Variants in WDR72 observed in about 807,000 individuals in gnomAD.
WDR72 encodes WD repeat-containing protein 72.
In WDR72, 120 loss-of-function variants were observed where a neutral mutation model predicts 124.2. The ratio of observed to expected loss-of-function variants is 0.97; its 90% CI spans 0.83 to 1.12. The LOEUF (loss-of-function observed/expected upper bound fraction) is 1.12. Ranked by LOEUF, WDR72 falls within the 50% of genes most tolerant of loss-of-function variation. The probability of loss-of-function intolerance (pLI) is 0.00; values close to 1 mark genes in which losing one functional copy is unlikely to be tolerated. For synonymous variants in WDR72, 452 were observed against 441.7 expected, an observed-to-expected ratio of 1.02 and a Z score of -0.29; for missense variants, 1,387 against 1,278.8, an observed-to-expected ratio of 1.08 and a Z score of -1.29.
At chr15:53,596,934 T>A (rs2012805186) in intron 18 of WDR72, 145 bp downstream of exon 18, 3 of 792,640 alleles carry the variant, frequency 3.8e-6, no homozygotes, top group African/African-American at 1.7e-5. Flanking sequence ...TATAACCCCA[T>A]CATAAGTCAA....
Position 53,650,652 on chromosome 15 carries a change from T to A in WDR72, c.1962+14920A>T, listed in dbSNP as rs115743832. 9.5e-3 allele frequency among the ~76,000 whole-genome samples: 1,445 copies of A among 152,232 alleles called. 33 individuals are homozygous for A. The highest frequency in any genetic ancestry group is 0.034 in the African/African-American group (1,392 of 41,552). On this transcript the variant is annotated intron_variant, in intron 14 of 19. Coordinates refer to ENST00000360509, the MANE Select transcript of WDR72 (RefSeq NM_182758.4). ...ATCTTATTCATCCATCAAGATTTAG[T>A]CCTAATATGACTTCCTGCATACCAC... is the stretch of plus-strand genomic sequence containing the variant.
intron 1 of WDR72, among the ~76,000 whole-genome samples, chr15:53,735,541 T>A (rs2018328763): frequency 6.6e-6 from 1 of 152,242 alleles, no homozygotes; most frequent in Non-Finnish European, 1.5e-5. Context: ...ATCAAATTTA[T>A]ACTTTAAATG....
intron 1 of WDR72, among the ~76,000 whole-genome samples, chr15:53,738,103 A>G (rs1345665760): frequency 1.3e-5 from 2 of 152,230 alleles, no homozygotes; most frequent in Non-Finnish European, 2.9e-5. Context: ...CCAAGAAAAC[A>G]TAATATAAAT....
At chr15:53,656,029 T>C (rs2015409630) in intron 14 of WDR72, among the ~76,000 whole-genome samples, 1 of 152,182 alleles carries the variant, frequency 6.6e-6, no homozygotes, top group Admixed American at 6.5e-5. Context: ...AGTCATCAGG[T>C]TTTGGGCAAT....
intron 14 of WDR72, 129 bp downstream of exon 14, chr15:53,665,443 T>C: frequency 1.0e-6 from 1 of 988,970 alleles, no homozygotes; most frequent in Non-Finnish European, 1.6e-6. Context: ...CAAGATTACT[T>C]GGTAGATGCA....
At position 53,730,902 on chromosome 15, in the gene WDR72, T is replaced by A. The variant is rs368517584; in HGVS notation, c.153+2095A>T. Among the ~76,000 whole-genome samples, 42 of 152,272 alleles carry A rather than the reference T, an allele frequency of 2.8e-4. No homozygotes were observed. In the East Asian group the frequency reaches 5.6e-3, roughly 20 times the overall value. ...GAACTGAAAAGTGCCCTTGATTTTT[T>A]TCAGTCTGGAGTTTTCCCTGCTAAT... On this transcript the variant is annotated intron_variant, in intron 2 of 19. Coordinates refer to ENST00000360509, the MANE Select transcript of WDR72 (RefSeq NM_182758.4).
intron 13 of WDR72, among the ~76,000 whole-genome samples, chr15:53,670,314 C>T (rs765410827): frequency 1.2e-4 from 18 of 152,156 alleles, no homozygotes; most frequent in Non-Finnish European, 2.2e-4. Flanking sequence ...TCCAAAGTTG[C>T]GTAGTTTCCA....
chr15:53,545,316 T>C (rs1893389874), intron 18 of WDR72, among the ~76,000 whole-genome samples: 1 of 151,136 alleles, frequency 6.6e-6, no homozygotes, highest in East Asian at 1.9e-4. Flanking sequence ...GAAACAGAGA[T>C]ATAGATCAAT....
At chr15:53,745,233 T>C (rs2018615552) in intron 1 of WDR72, among the ~76,000 whole-genome samples, 1 of 152,172 alleles carries the variant, frequency 6.6e-6, no homozygotes, top group Non-Finnish European at 1.5e-5. Context: ...TTATTCCTTG[T>C]TCATAATCAG....
intron 1 of WDR72, among the ~76,000 whole-genome samples, chr15:53,753,085 G>A (rs1354691658): frequency 1.3e-5 from 2 of 152,098 alleles, no homozygotes; most frequent in South Asian, 2.1e-4. Context: ...GGCTGTCAAC[G>A]GGTCATCCCT....
At chr15:53,729,611 T>C (rs1299915329) in intron 2 of WDR72, among the ~76,000 whole-genome samples, 9 of 152,140 alleles carry the variant, frequency 5.9e-5, no homozygotes, top group Non-Finnish European at 1.3e-4. Flanking sequence ...TCTACTCAAC[T>C]ACTTTTACCA....
chr15:53,677,314 T>C (rs865979610), intron 13 of WDR72, among the ~76,000 whole-genome samples: 12 of 152,338 alleles, frequency 7.9e-5, no homozygotes, highest in Middle Eastern at 3.4e-3. Context: ...TACTTTTTTA[T>C]AACTCCTTCC....
At chr15:53,713,418 A>ATTTTATTTTATTTTGTTTTG (rs1555427180) in intron 6 of WDR72, among the ~76,000 whole-genome samples, 47 of 118,376 alleles carry the variant, frequency 4.0e-4, no homozygotes, top group Middle Eastern at 3.8e-3. Context: ...GTTGTATTTT[A>ATTTTATTTTATTTTGTTTTG]TTTTATTTTA....
At chr15:53,596,554 C>A (rs1290102119) in intron 18 of WDR72, among the ~76,000 whole-genome samples, 1 of 152,096 alleles carries the variant, frequency 6.6e-6, no homozygotes, top group Non-Finnish European at 1.5e-5. Context: ...AAAGTAAAAG[C>A]AAATTTACCC....
At chr15:53,747,145 A>G (rs1441275623) in intron 1 of WDR72, among the ~76,000 whole-genome samples, 2 of 152,198 alleles carry the variant, frequency 1.3e-5, no homozygotes, top group African/African-American at 2.4e-5. Context: ...CCAAGCTGGC[A>G]TGGGTCAGCA....
chr15:53,631,716 T>A (rs1183091781), intron 14 of WDR72, among the ~76,000 whole-genome samples: 1 of 152,194 alleles, frequency 6.6e-6, no homozygotes, highest in Non-Finnish European at 1.5e-5. Context: ...GTCACTTTGT[T>A]ATGCTTTAGC....
chr15:53,636,111 T>G (rs1277028516), intron 14 of WDR72, among the ~76,000 whole-genome samples: 1 of 152,218 alleles, frequency 6.6e-6, no homozygotes, highest in Non-Finnish European at 1.5e-5. Flanking sequence ...TTTCTTATTC[T>G]GTATAAAATT....
At chr15:53,633,905 T>C (rs1251717511) in intron 14 of WDR72, among the ~76,000 whole-genome samples, 1 of 152,156 alleles carries the variant, frequency 6.6e-6, no homozygotes, top group Non-Finnish European at 1.5e-5. Flanking sequence ...TATGTACCAG[T>C]GATATAAAGA....
chr15:53,746,911 T>C (rs2018657597), intron 1 of WDR72, among the ~76,000 whole-genome samples: 1 of 152,192 alleles, frequency 6.6e-6, no homozygotes, highest in East Asian at 1.9e-4. Flanking sequence ...TAAAGTGGCT[T>C]GGCCAGTGTC....
Sources: gnomAD v4.1 joint callset for allele counts (sites outside exome capture counted in the v4.1 genomes callset) on GRCh38, gnomAD v4.1.1 for gene constraint, MANE v1.5 for transcripts, NCBI Gene and HGNC (gene_info 2026-07-23, HGNC 2026-07-21) for gene names.